Variants in GPALPP1 observed in about 807,000 individuals in gnomAD.
GPALPP1 encodes GPALPP motifs containing 1.
Under a neutral mutation model 38.9 loss-of-function variants are expected in GPALPP1, and 30 were observed. That is an observed-to-expected ratio of 0.77 (90% CI 0.58 to 1.05). GPALPP1 has a LOEUF of 1.05. GPALPP1 is among the 50% of genes least tolerant of loss of function. The pLI is 0.00. For synonymous variants in GPALPP1, 120 were observed against 139.2 expected (o/e 0.86, Z 0.97); for missense variants, 384 against 408.8 (o/e 0.94, Z 0.52).
chr13:45,024,823 G>T (rs902716555), intron 7 of GPALPP1, among the ~76,000 whole-genome samples: 2 of 152,044 alleles, frequency 1.3e-5, no homozygotes, highest in African/African-American at 4.8e-5. Flanking sequence ...AGCTACTCAG[G>T]AGGCTGAGGC....
chr13:45,007,521 C>T (rs1874184787), intron 3 of GPALPP1, among the ~76,000 whole-genome samples: 1 of 152,198 alleles, frequency 6.6e-6, no homozygotes, highest in Non-Finnish European at 1.5e-5. Context: ...TCAGAAAAAA[C>T]CTATGCTGTA....
At position 44,989,735 on chromosome 13, in the gene GPALPP1, G is replaced by A; in HGVS notation, c.81G>A (p.Pro27=). 1 of 1,607,736 alleles carries A rather than the reference G, an allele frequency of 6.2e-7. No homozygotes were observed. The highest frequency in any genetic ancestry group is 8.5e-7 in the Non-Finnish European group (1 of 1,178,876). Residue 27 remains proline (P), a synonymous_variant, in exon 1 of 8, where the codon CCG becomes CCA. Transcript: ENST00000379151. ...RGTAEDEERD[P]SPVAGPALPP... ...CAGCGGAGGACGAAGAGCGGGACCC[G>A]AGCCCTGGTAAGCGGCGGCGTCTCC...
At chr13:45,011,321 TG>T (rs1874460925) in intron 4 of GPALPP1, among the ~76,000 whole-genome samples, 1 of 152,200 alleles carries the variant, frequency 6.6e-6, no homozygotes, top group Non-Finnish European at 1.5e-5. Flanking sequence ...TTCATAGGGT[TG>T]TTATAAGGAT....
At chr13:45,033,595 T>C (rs1876305536), downstream of GPALPP1, 1 of 152,240 alleles carries the variant, frequency 6.6e-6, no homozygotes, top group Non-Finnish European at 1.5e-5. Context: ...AAATAAAGTT[T>C]TATCTATATC....
chr13:45,015,049 A>G lies in GPALPP1; in HGVS notation c.506A>G (p.Gln169Arg), dbSNP rs542957802. The change falls in exon 5 of 8, where the codon CAG (glutamine) becomes CGG (arginine). Residue 169 changes from glutamine to arginine, a missense_variant. Transcript: ENST00000379151. ...ACGACAGAGTTTGAAAAAAGGGCCCAGAGAATGAAAGAAAAACTGACCAAA... is the reference window on the plus strand; with the variant it reads ...ACGACAGAGTTTGAAAAAAGGGCCCGGAGAATGAAAGAAAAACTGACCAAA... ...NVTTEFEKRAQRMKEKLTKGD... is the reference protein window; with the variant it reads ...NVTTEFEKRARRMKEKLTKGD... 1 of 1,609,104 alleles carries G rather than the reference A, an allele frequency of 6.2e-7. No homozygotes were observed. The highest frequency in any genetic ancestry group is 8.5e-7 in the Non-Finnish European group (1 of 1,176,192).
At chr13:45,031,434 T>TA (rs945599417), downstream of GPALPP1, 2 of 152,232 alleles carry the variant, frequency 1.3e-5, no homozygotes, top group East Asian at 1.9e-4. Flanking sequence ...TTTTTTAAAG[T>TA]AAAATTGTTA....
At chr13:45,001,023 AAT>A (rs1048206431) in intron 1 of GPALPP1, among the ~76,000 whole-genome samples, 5 of 152,186 alleles carry the variant, frequency 3.3e-5, no homozygotes, top group African/African-American at 1.2e-4. Context: ...ACACTGTAAT[AAT>A]GTTTGGCTAT....
chr13:45,014,331 G>T (rs1355321792), intron 4 of GPALPP1, among the ~76,000 whole-genome samples: 2 of 152,254 alleles, frequency 1.3e-5, no homozygotes, highest in Middle Eastern at 3.4e-3. Flanking sequence ...TACTATTGTA[G>T]ATATAAGCTA....
At position 44,989,642 on chromosome 13, in the gene GPALPP1, T is replaced by G; in HGVS notation, c.-13T>G. ...GATAGACTCATATCTGTGACCAGTG[T>G]CCGCCACCGCGGATGGCAAGAGACC... On this transcript the variant is annotated 5_prime_UTR_variant, in exon 1 of 8. Coordinates refer to ENST00000379151, the MANE Select transcript of GPALPP1 (RefSeq NM_018559.5). 16 of 1,607,360 alleles carry G rather than the reference T, an allele frequency of 1.0e-5. No individual in the cohort carries two copies. Among genetic ancestry groups the G allele is most frequent in the Non-Finnish European group, 1.4e-5 (16 of 1,174,746 alleles).
At chr13:45,003,362 A>G (rs937515164) in intron 1 of GPALPP1, among the ~76,000 whole-genome samples, 1 of 152,234 alleles carries the variant, frequency 6.6e-6, no homozygotes, top group African/African-American at 2.4e-5. Flanking sequence ...TTTTGTAGTA[A>G]CAAATATTAC....
At chr13:45,004,233 T>A in intron 1 of GPALPP1, 72 bp from the exon 2 acceptor site, 1 of 1,239,436 alleles carries the variant, frequency 8.1e-7, no homozygotes, top group Admixed American at 2.2e-5. Context: ...GAAAAGAAAG[T>A]GAAAAATATC....
At chr13:45,021,846 A>G (rs1463451416) in intron 7 of GPALPP1, among the ~76,000 whole-genome samples, 1 of 152,216 alleles carries the variant, frequency 6.6e-6, no homozygotes, top group African/African-American at 2.4e-5. Context: ...GGCTAAAGAT[A>G]AATAAGCTAA....
exon 8 of GPALPP1, chr13:45,036,083 T>C (rs1876393132): frequency 6.6e-6 from 1 of 152,234 alleles, no homozygotes; most frequent in Non-Finnish European, 1.5e-5. Context: ...TATGTTCTGT[T>C]TTCCTATTAT....
intron 1 of GPALPP1, chr13:45,002,344 C>T (rs1226785446): frequency 2.0e-5 from 3 of 152,180 alleles, no homozygotes; most frequent in Non-Finnish European, 2.9e-5. Context: ...CAGCCCAGGT[C>T]GGAAACAAAG....
At chr13:45,005,881 C>G (rs918040314) in intron 2 of GPALPP1, among the ~76,000 whole-genome samples, 4 of 152,042 alleles carry the variant, frequency 2.6e-5, no homozygotes, top group Non-Finnish European at 5.9e-5. Flanking sequence ...CAAAAATTAG[C>G]TGGGCGTGGT....
At chr13:44,989,934 C>G (rs1259824035) in intron 1 of GPALPP1, 192 bp downstream of exon 1, 3 of 594,712 alleles carry the variant, frequency 5.0e-6, no homozygotes, top group Non-Finnish European at 9.0e-6. Context: ...TAGAAACGAG[C>G]TTTGGCGTGG....
chr13:45,027,942 TA>T lies in GPALPP1; in HGVS notation c.969del (p.Lys323AsnfsTer5), dbSNP rs1566086213. Reference protein sequence around the residue: ...RFDEAQKKALIKKSRELNTRF... With the variant: ...RFDEAQKKALXKKSRELNTRF... ...GATGAAGCTCAGAAAAAAGCCCTAA[TA>T]AAAAAATCTAGAGAACTAAACACCA... On this transcript the variant is annotated frameshift_variant, in exon 8 of 8. Transcript: ENST00000379151. LOFTEE classifies it high-confidence loss of function. 5.0e-6 allele frequency: 8 copies of T among 1,611,592 alleles called. No individual in the cohort carries two copies. The highest frequency in any genetic ancestry group is 3.3e-4 in the Middle Eastern group (2 of 6,032).
In GPALPP1 at chr13:45,027,936, C is replaced by G; in HGVS notation, c.956C>G (p.Ala319Gly). The part of the protein sequence containing the change: ...VNRFDEAQKK[A>G]LIKKSRELNT... Reference sequence around the variant, plus strand: ...CGGTTTGATGAAGCTCAGAAAAAAGCCCTAATAAAAAAATCTAGAGAACTA... The same window carrying G: ...CGGTTTGATGAAGCTCAGAAAAAAGGCCTAATAAAAAAATCTAGAGAACTA... The change falls in exon 8 of 8, where the codon GCC (alanine) becomes GGC (glycine). Residue 319 changes from alanine to glycine, a missense_variant. Coordinates refer to ENST00000379151, the MANE Select transcript of GPALPP1 (RefSeq NM_018559.5). The G allele has an allele frequency of 6.2e-7, 1 of 1,611,298 alleles. No homozygotes were observed. The highest frequency in any genetic ancestry group is 8.5e-7 in the Non-Finnish European group (1 of 1,177,850).
downstream of GPALPP1, chr13:45,033,942 A>G (rs1029203257): frequency 6.6e-6 from 1 of 152,164 alleles, no homozygotes; most frequent in Non-Finnish European, 1.5e-5. Context: ...TTGTTTGAGT[A>G]TGAGTTTCTT....
Sources: allele counts gnomAD v4.1 joint callset (sites outside exome capture counted in the v4.1 genomes callset), GRCh38; gene constraint gnomAD v4.1.1; transcripts MANE v1.5; gene names NCBI Gene and HGNC (gene_info 2026-07-23, HGNC 2026-07-21).